VPS35L: variants seen among roughly 807,000 people sequenced by gnomAD.
VPS35L encodes the protein VPS35 endosomal protein-sorting factor-like.
Under a neutral mutation model 133.0 loss-of-function variants are expected in VPS35L, and 83 were observed. The observed-to-expected ratio is 0.62, with a 90% CI of 0.52 to 0.75. The LOEUF is 0.75. Among genes scored for constraint, VPS35L ranks in the 30% least tolerant of loss-of-function variants. VPS35L has a pLI of 0.00. For synonymous variants in VPS35L, 423 were observed against 449.9 expected (o/e 0.94, Z 0.76); for missense variants, 1,083 against 1,206.8 (o/e 0.90, Z 1.52).
intron 2 of VPS35L, 167 bp from the exon 3 acceptor site, chr16:19,569,257 T>C (rs749733276): frequency 3.9e-5 from 31 of 785,040 alleles, no homozygotes; most frequent in Non-Finnish European, 6.4e-5. Flanking sequence ...TGATCCTGAG[T>C]CATGTCCATT....
chr16:19,691,977 C>T (rs1022584842), intron 29 of VPS35L, among the ~76,000 whole-genome samples: 11 of 151,702 alleles, frequency 7.3e-5, no homozygotes, highest in South Asian at 4.1e-4. Flanking sequence ...CGGGTTCAGG[C>T]GATTCTCCTG....
intron 12 of VPS35L, among the ~76,000 whole-genome samples, chr16:19,615,479 G>A (rs556827733): frequency 1.5e-4 from 23 of 151,598 alleles, no homozygotes; most frequent in Non-Finnish European, 2.4e-4. Context: ...GTGAAACCCC[G>A]TCTCTACTAA....
intron 28 of VPS35L, 122 bp from the exon 29 acceptor site, chr16:19,691,231 T>A: frequency 3.9e-6 from 3 of 764,592 alleles, no homozygotes; most frequent in Non-Finnish European, 4.5e-6. Context: ...GCCACTTCCA[T>A]GTGCCCTGCC....
At chr16:19,593,103 C>A (rs193138804) in intron 8 of VPS35L, among the ~76,000 whole-genome samples, 1 of 152,152 alleles carries the variant, frequency 6.6e-6, no homozygotes, top group Non-Finnish European at 1.5e-5. Context: ...CTTTTGGAGC[C>A]AGGTAGAAAG....
chr16:19,557,676 C>A (rs993669301), intron 1 of VPS35L, among the ~76,000 whole-genome samples: 5 of 152,180 alleles, frequency 3.3e-5, no homozygotes, highest in Non-Finnish European at 7.3e-5. Context: ...AGCTACCACA[C>A]CCGGCCCGTG....
intron 28 of VPS35L, among the ~76,000 whole-genome samples, chr16:19,690,338 A>T (rs977334633): frequency 1.3e-5 from 2 of 152,060 alleles, no homozygotes; most frequent in Non-Finnish European, 2.9e-5. Flanking sequence ...GGAGGGAGGG[A>T]GGAGGAAGGG....
intron 4 of VPS35L, among the ~76,000 whole-genome samples, chr16:19,574,434 C>A (rs187364092): frequency 4.6e-5 from 7 of 152,284 alleles, no homozygotes; most frequent in Admixed American, 2.6e-4. Flanking sequence ...AGAAATGTAG[C>A]AGCGTGTCCA....
chr16:19,653,337 G>T (rs1974193958), intron 26 of VPS35L, among the ~76,000 whole-genome samples: 1 of 152,224 alleles, frequency 6.6e-6, no homozygotes, highest in African/African-American at 2.4e-5. Flanking sequence ...GAGGGTAAAA[G>T]AAATCTTTAC....
At position 19,605,226 on chromosome 16, in the gene VPS35L, A is replaced by G. The variant is rs909322461; in HGVS notation, c.785-2952A>G. On this transcript the variant is annotated intron_variant, in intron 9 of 30. Transcript: ENST00000417362. Reference sequence around the variant, plus strand: ...TCATTGGTCTCCTGCCTTCTCTTAAAATACCCACAGAAGTTCAGGTTTGAA... The same window carrying G: ...TCATTGGTCTCCTGCCTTCTCTTAAGATACCCACAGAAGTTCAGGTTTGAA... Among the ~76,000 whole-genome samples, 4 of 152,368 alleles carry G rather than the reference A, an allele frequency of 2.6e-5. No individual in the cohort carries two copies. The South Asian group carries it at 8.3e-4, about 32-fold the overall frequency.
chr16:19,650,496 T>G (rs757384787), intron 25 of VPS35L, 37 bp downstream of exon 25: 32 of 1,500,254 alleles, frequency 2.1e-5, no homozygotes, highest in Non-Finnish European at 3.0e-5. Context: ...GACCTCGAAC[T>G]CCAGTGGGCT....
chr16:19,686,913 C>A (rs559121411), intron 28 of VPS35L, among the ~76,000 whole-genome samples: 5 of 152,164 alleles, frequency 3.3e-5, no homozygotes, highest in Non-Finnish European at 7.3e-5. Context: ...ACTGCCCCCC[C>A]TTCCTTGAGA....
chr16:19,662,071 C>T (rs563378431), intron 26 of VPS35L, among the ~76,000 whole-genome samples: 15 of 152,090 alleles, frequency 9.9e-5, no homozygotes, highest in Admixed American at 2.6e-4. Context: ...GGCATGATGG[C>T]GCACGCCTGT....
At chr16:19,698,536 G>A (rs566004330) in intron 29 of VPS35L, among the ~76,000 whole-genome samples, 1 of 152,128 alleles carries the variant, frequency 6.6e-6, no homozygotes. Flanking sequence ...AGGAATGCTG[G>A]GGGACACCTC....
intron 4 of VPS35L, among the ~76,000 whole-genome samples, chr16:19,574,854 G>C (rs1489286301): frequency 6.6e-6 from 1 of 152,136 alleles, no homozygotes; most frequent in Non-Finnish European, 1.5e-5. Flanking sequence ...CCCTGATTCA[G>C]AGTAGGTTAA....
rs201283177 is a variant in VPS35L, at chr16:19,626,276, A to G, written c.1271+53A>G. 23 of 1,375,878 alleles carry G rather than the reference A, an allele frequency of 1.7e-5. No homozygotes were observed. The South Asian group carries it at 2.0e-4, about 12-fold the overall frequency. The allele number at this position is 1,375,878 out of a possible 1,614,324, so 85.2% of individuals were successfully genotyped here. On this transcript the variant is annotated intron_variant, in intron 15 of 30. Coordinates refer to ENST00000417362, the MANE Select transcript of VPS35L (RefSeq NM_020314.7). ...GAGTTTGAAAATGGCGTTGGCTGCTATTTTTGAGCTTGGCCTGCTTACCTG... is the reference window on the plus strand; with the variant it reads ...GAGTTTGAAAATGGCGTTGGCTGCTGTTTTTGAGCTTGGCCTGCTTACCTG...
Position 19,616,142 on chromosome 16 carries a change from A to C in VPS35L, c.1052A>C (p.Lys351Thr). The C allele has an allele frequency of 1.9e-6, 3 of 1,613,762 alleles. 1 individual carries two copies. The South Asian group carries it at 3.3e-5, about 18-fold the overall frequency. ...RVGMEVAPHL[K>T]ETLNKNFFDF... ...GGAATGGAAGTGGCCCCACATCTCA[A>C]AGAAACCCTAAATAAGAACTTTTTT... The change falls in exon 13 of 31, where the codon AAA becomes ACA. Residue 351 changes from lysine (K) to threonine (T), a missense_variant. By Grantham distance (78) the Lys-to-Thr change is moderately conservative. Coordinates refer to ENST00000417362, the MANE Select transcript of VPS35L (RefSeq NM_020314.7).
chr16:19,610,148 A>G (rs1407203779), intron 11 of VPS35L, among the ~76,000 whole-genome samples, 174 bp from the exon 12 acceptor site: 6 of 152,226 alleles, frequency 3.9e-5, no homozygotes, highest in Non-Finnish European at 8.8e-5. Context: ...TCAGAAGAGA[A>G]AGACTGTTGT....
chr16:19,680,311 A>G (rs913775119), intron 27 of VPS35L, among the ~76,000 whole-genome samples: 9 of 152,220 alleles, frequency 5.9e-5, no homozygotes, highest in African/African-American at 2.2e-4. Context: ...ACTACAATCC[A>G]TTCAACATTA....
intron 21 of VPS35L, among the ~76,000 whole-genome samples, chr16:19,640,344 C>A (rs1973750673): frequency 6.6e-6 from 1 of 151,928 alleles, no homozygotes; most frequent in Admixed American, 6.6e-5. Flanking sequence ...GAAGGAAAGC[C>A]ACATTAAAAG....
Sources: allele counts gnomAD v4.1 joint callset (sites outside exome capture counted in the v4.1 genomes callset), GRCh38; gene constraint gnomAD v4.1.1; transcripts MANE v1.5; gene names NCBI Gene and HGNC (gene_info 2026-07-23, HGNC 2026-07-21).